CD1D: variants seen among roughly 807,000 people sequenced by gnomAD.
CD1D encodes the protein CD1d molecule, also known as antigen-presenting glycoprotein CD1d.
A neutral mutation model predicts 42.1 loss-of-function variants in CD1D; 40 were observed. That is an observed-to-expected ratio of 0.95 (90% CI 0.74 to 1.24). CD1D has a LOEUF of 1.24. Among genes scored for constraint, CD1D ranks in the 50% most tolerant of loss-of-function variants. The pLI, the probability that CD1D is intolerant of heterozygous loss-of-function variation, is 0.00. For synonymous variants in CD1D, 178 were observed against 171.8 expected, an observed-to-expected ratio of 1.04 and a Z score of -0.28; for missense variants, 437 against 416.5, an observed-to-expected ratio of 1.05 and a Z score of -0.43.
upstream of CD1D, among the ~76,000 whole-genome samples, chr1:158,178,394 G>A (rs859004): frequency 0.99 from 151,524 of 152,330 alleles, 75,366 homozygotes; most frequent in Middle Eastern, 1. Flanking sequence ...TCCCTGATGT[G>A]TCCTCTCAAG....
At chr1:158,180,841 G>GA (rs1006283719), upstream of CD1D, 9 of 403,286 alleles carry the variant, frequency 2.2e-5, no homozygotes, top group Admixed American at 1.2e-4. Context: ...CGCCGGTTGT[G>GA]AAACCTACTG....
chr1:158,181,033 G>A lies in CD1D; in HGVS notation c.-69G>A, dbSNP rs1648368440. On this transcript the variant is annotated 5_prime_UTR_variant, in exon 1 of 6. Transcript: ENST00000674085. ...GGAAAGGGACGTGAGCTGAGCGGCG[G>A]GGGAGAAGAGTGCGCAGGTCAGAGG... The A allele has an allele frequency of 2.9e-6, 4 of 1,363,060 alleles. No individual in the cohort carries two copies. Among genetic ancestry groups the A allele is most frequent in the Admixed American group, 2.4e-5 (1 of 41,414 alleles). The allele number at this position is 1,363,060 out of a possible 1,614,324, so 84.4% of individuals were successfully genotyped here. A position where few individuals can be genotyped will look rare whatever the true frequency, so the allele number is the denominator to read the frequency against.
upstream of CD1D, among the ~76,000 whole-genome samples, chr1:158,178,757 G>A (rs1028414370): frequency 1.3e-5 from 2 of 152,140 alleles, no homozygotes; most frequent in African/African-American, 2.4e-5. Flanking sequence ...AAGGCTCTGA[G>A]TAAATCACCA....
intron 3 of CD1D, 101 bp downstream of exon 3, chr1:158,182,411 G>A: frequency 1.5e-6 from 2 of 1,321,676 alleles, no homozygotes; most frequent in Non-Finnish European, 2.2e-6. Context: ...AGAAGAGGAA[G>A]GCCCAGGAGG....
Position 158,181,539 on chromosome 1 carries a change from G to A in CD1D, c.146G>A (p.Trp49Ter). The change falls in exon 2 of 6, where the codon TGG (tryptophan) becomes TAG (stop). Residue 49 changes from tryptophan to a stop codon, truncating the protein, a stop_gained. Coordinates refer to ENST00000674085, the MANE Select transcript of CD1D (RefSeq NM_001371762.2). LOFTEE classifies it high-confidence loss of function. The part of the protein sequence containing the change: ...SSWTRTDGLA[W>*]LGELQTHSWS... Reference sequence around the variant, plus strand: ...TGGACGCGCACCGACGGCTTGGCGTGGCTGGGGGAGCTGCAGACGCACAGC... The same window carrying A: ...TGGACGCGCACCGACGGCTTGGCGTAGCTGGGGGAGCTGCAGACGCACAGC... The A allele has an allele frequency of 1.2e-6, 2 of 1,614,162 alleles. No individual in the cohort carries two copies. The highest frequency in any genetic ancestry group is 1.7e-6 in the Non-Finnish European group (2 of 1,180,040).
At chr1:158,178,222 G>A (rs1648248789), upstream of CD1D, among the ~76,000 whole-genome samples, 1 of 152,162 alleles carries the variant, frequency 6.6e-6, no homozygotes, top group African/African-American at 2.4e-5. Context: ...TCACCATTAT[G>A]CTCTGAATAA....
intron 2 of CD1D, 133 bp downstream of exon 2, chr1:158,181,854 T>C (rs981974209): frequency 1.2e-5 from 16 of 1,372,652 alleles, no homozygotes; most frequent in Middle Eastern, 2.2e-4. Flanking sequence ...CCCTTCTACC[T>C]GGAGATGTCC....
At chr1:158,181,410 C>T (rs774259841) in intron 1 of CD1D, 45 bp from the exon 2 acceptor site, 11 of 1,605,078 alleles carry the variant, frequency 6.9e-6, no homozygotes, top group Non-Finnish European at 9.4e-6. Flanking sequence ...GCTGGCTGCT[C>T]TCCCGGCCAC....
rs757525630 is a variant in CD1D, at chr1:158,181,628, C to A, written c.235C>A (p.Gln79Lys). The change falls in exon 2 of 6, where the codon CAG becomes AAG. Residue 79 changes from glutamine to lysine, a missense_variant. Coordinates refer to ENST00000674085, the MANE Select transcript of CD1D (RefSeq NM_001371762.2). ...KPWSQGTFSDQQWETLQHIFR... is the reference protein window; with the variant it reads ...KPWSQGTFSDKQWETLQHIFR... Reference sequence around the variant, plus strand: ...TTGGTCCCAGGGCACGTTCAGCGACCAGCAGTGGGAGACGCTGCAGCATAT... The same window carrying A: ...TTGGTCCCAGGGCACGTTCAGCGACAAGCAGTGGGAGACGCTGCAGCATAT... The A allele has an allele frequency of 1.4e-4, 220 of 1,614,002 alleles. No individual in the cohort carries two copies. The highest frequency in any genetic ancestry group is 1.8e-4 in the Non-Finnish European group (213 of 1,180,042).
Position 158,181,583 on chromosome 1 carries a change from A to T in CD1D, c.190A>T (p.Thr64Ser), listed in dbSNP as rs62621276. 1,446 of 1,614,058 alleles carry T rather than the reference A, an allele frequency of 9.0e-4. 11 individuals are homozygous for T. The African/African-American group carries it at 0.017, about 19-fold the overall frequency. ...GCACAGCTGGAGCAACGACTCGGACACCGTCCGCTCTCTGAAGCCTTGGTC... is the reference window on the plus strand; with the variant it reads ...GCACAGCTGGAGCAACGACTCGGACTCCGTCCGCTCTCTGAAGCCTTGGTC... ...QTHSWSNDSD[T>S]VRSLKPWSQG... The change falls in exon 2 of 6, where the codon ACC becomes TCC. Residue 64 changes from threonine (T) to serine (S), a missense_variant. Transcript: ENST00000674085.
rs1558043298 is a variant in CD1D at position 158,181,267 on chromosome 1, AC to A, written c.61+106del. 3.1e-4 allele frequency: 447 copies of A among 1,444,558 alleles called. No homozygotes were observed. In the African/African-American group the frequency reaches 5.8e-3, roughly 19 times the overall value. The allele number at this position is 1,444,558 out of a possible 1,614,324, so 89.5% of individuals were successfully genotyped here. A position where few individuals can be genotyped will look rare whatever the true frequency, so the allele number is the denominator to read the frequency against. On this transcript the variant is annotated intron_variant, in intron 1 of 5. Coordinates refer to ENST00000674085, the MANE Select transcript of CD1D (RefSeq NM_001371762.2). ...CTGATGGGGACTGGTGAGACCCGGG[AC>A]GCACTGGCGCGATCTAGGTAGAAAA...
chr1:158,178,202 C>T (rs988452499), upstream of CD1D, among the ~76,000 whole-genome samples: 2 of 152,210 alleles, frequency 1.3e-5, no homozygotes, highest in Non-Finnish European at 2.9e-5. Context: ...CAGCAAACTA[C>T]GGTCCTTGAT....
In CD1D at chr1:158,181,498, C is replaced by G; in HGVS notation, c.105C>G (p.Ser35=). Residue 35 remains serine (S), a synonymous_variant, in exon 2 of 6, where the codon TCC becomes TCG. Transcript: ENST00000674085. ...CCCTCCGCTGCCTCCAGATCTCGTC[C>G]TTCGCCAATAGCAGCTGGACGCGCA... ...LFPLRCLQIS[S]FANSSWTRTD... 6.2e-7 allele frequency: 1 copy of G among 1,614,170 alleles called. No individual in the cohort carries two copies.
Position 158,182,176 on chromosome 1 carries a change from G to T in CD1D, c.473G>T (p.Trp158Leu). The stretch of plus-strand genomic sequence containing the variant: ...GAGCCAACCCAAGAGGCCCCACTTT[G>T]GGTAAACTTGGCCATTCAAGTGCTC... ...SWEPTQEAPL[W>L]VNLAIQVLNQ... Residue 158 changes from tryptophan (W) to leucine (L), a missense_variant, in exon 3 of 6, where the codon TGG (tryptophan) becomes TTG (leucine). By Grantham distance (61) the Trp-to-Leu change is moderately conservative. Coordinates refer to ENST00000674085, the MANE Select transcript of CD1D (RefSeq NM_001371762.2). 1.2e-6 allele frequency: 2 copies of T among 1,614,170 alleles called. No homozygotes were observed. Among genetic ancestry groups the T allele is most frequent in the Non-Finnish European group, 1.7e-6 (2 of 1,180,022 alleles).
chr1:158,181,634 T>G lies in CD1D; in HGVS notation c.241T>G (p.Trp81Gly), dbSNP rs770514010. The change falls in exon 2 of 6, where the codon TGG (tryptophan) becomes GGG (glycine). Residue 81 changes from tryptophan (W) to glycine (G), a missense_variant. Transcript: ENST00000674085. ...CCAGGGCACGTTCAGCGACCAGCAG[T>G]GGGAGACGCTGCAGCATATATTTCG... ...WSQGTFSDQQ[W>G]ETLQHIFRVY... 3.7e-6 allele frequency: 6 copies of G among 1,614,068 alleles called. No individual in the cohort carries two copies. Among genetic ancestry groups the G allele is most frequent in the Non-Finnish European group, 4.2e-6 (5 of 1,180,020 alleles).
rs573806789 is a variant in CD1D at position 158,185,000 on chromosome 1, T to C, written c.*850T>C. On this transcript the variant is annotated 3_prime_UTR_variant, in exon 6 of 6. Transcript: ENST00000674085. Reference sequence around the variant, plus strand: ...AGGAAGATTGTCATGAAGGCATCCCTTCCTTCCCAAAACGACAACGGCAAC... The same window carrying C: ...AGGAAGATTGTCATGAAGGCATCCCCTCCTTCCCAAAACGACAACGGCAAC... The C allele has an allele frequency of 1.3e-5, 2 of 152,320 alleles. No individual in the cohort carries two copies. The highest frequency in any genetic ancestry group is 4.1e-4 in the South Asian group (2 of 4,820). The allele number at this position is 152,320 out of a possible 1,614,324, so 9.4% of individuals were successfully genotyped here. A position where few individuals can be genotyped will look rare whatever the true frequency, so the allele number is the denominator to read the frequency against.
In CD1D at chr1:158,181,562, A is replaced by T; in HGVS notation, c.169A>T (p.Ser57Cys). The change falls in exon 2 of 6, where the codon AGC becomes TGC. Residue 57 changes from serine (S) to cysteine (C), a missense_variant. Ser to Cys is a moderately radical substitution (Grantham distance 112). Coordinates refer to ENST00000674085, the MANE Select transcript of CD1D (RefSeq NM_001371762.2). ...GTGGCTGGGGGAGCTGCAGACGCAC[A>T]GCTGGAGCAACGACTCGGACACCGT... is the stretch of plus-strand genomic sequence containing the variant. The part of the protein sequence containing the change: ...LAWLGELQTH[S>C]WSNDSDTVRS... The T allele has an allele frequency of 6.2e-7, 1 of 1,614,124 alleles. No homozygotes were observed. The highest frequency in any genetic ancestry group is 8.5e-7 in the Non-Finnish European group (1 of 1,180,022).
At chr1:158,183,245 A>G in intron 4 of CD1D, 89 bp downstream of exon 4, 3 of 1,472,910 alleles carry the variant, frequency 2.0e-6, no homozygotes, top group Admixed American at 2.3e-5. Flanking sequence ...GGCTTGATAT[A>G]CCCAGGTTAG....
At position 158,184,003 on chromosome 1, in the gene CD1D, T is replaced by C; in HGVS notation, c.954T>C (p.Ile318=). The C allele has an allele frequency of 1.2e-6, 2 of 1,614,226 alleles. No homozygotes were observed. The highest frequency in any genetic ancestry group is 1.7e-6 in the Non-Finnish European group (2 of 1,180,034). ...TGGCGTGCTTGCTGTTCCTCCTCAT[T>C]GTGGGCTTTACCTCCCGGTTTAAGA... ...AVLACLLFLL[I]VGFTSRFKRQ... Residue 318 remains isoleucine, a synonymous_variant, in exon 5 of 6, where the codon ATT becomes ATC. Coordinates refer to ENST00000674085, the MANE Select transcript of CD1D (RefSeq NM_001371762.2).
Sources: gnomAD v4.1 joint callset for allele counts (sites outside exome capture counted in the v4.1 genomes callset) on GRCh38, gnomAD v4.1.1 for gene constraint, MANE v1.5 for transcripts, NCBI Gene and HGNC (gene_info 2026-07-23, HGNC 2026-07-21) for gene names.